SNUPN: variants seen among roughly 807,000 people sequenced by gnomAD.
SNUPN encodes snurportin 1.
SNUPN carries 31 observed loss-of-function variants against 39.2 expected under a neutral mutation model. The observed-to-expected ratio is 0.79, with a 90% CI of 0.59 to 1.07. SNUPN has a LOEUF of 1.07. Ranked by LOEUF, SNUPN falls within the 50% of genes least tolerant of loss-of-function variation. The pLI is 0.00. For synonymous variants in SNUPN, 132 were observed against 159.0 expected, an observed-to-expected ratio of 0.83 and a Z score of 1.28; for missense variants, 382 against 434.2, an observed-to-expected ratio of 0.88 and a Z score of 1.07.
intron 2 of SNUPN, among the ~76,000 whole-genome samples, chr15:75,619,817 C>T (rs1050629765): frequency 2.0e-5 from 3 of 152,000 alleles, no homozygotes; most frequent in Non-Finnish European, 2.9e-5. Flanking sequence ...GGCGCGATTT[C>T]GGCTCACTGC....
intron 8 of SNUPN, 129 bp from the exon 9 acceptor site, chr15:75,598,810 C>T (rs1365240002): frequency 1.6e-6 from 1 of 627,716 alleles, no homozygotes; most frequent in Non-Finnish European, 2.7e-6. Context: ...AGGAAAGAGT[C>T]CCAGCTTCTC....
Position 75,619,157 on chromosome 15 carries a change from T to C in SNUPN, c.159-1605A>G, listed in dbSNP as rs112288960. ...GACCAGCTTGGGCAACATGGTGAAA[T>C]TGTGTTTCTACCAAAAATAAAAAAA... On this transcript the variant is annotated intron_variant, in intron 2 of 8. Transcript: ENST00000308588. 4.4e-3 allele frequency among the ~76,000 whole-genome samples: 655 copies of C among 150,410 alleles called. 1 individual carries two copies. The highest frequency in any genetic ancestry group is 0.026 in the South Asian group (124 of 4,738).
At position 75,605,174 on chromosome 15, in the gene SNUPN, C is replaced by T. The variant is rs1458015042; in HGVS notation, c.654G>A (p.Leu218=). The T allele has an allele frequency of 2.5e-6, 4 of 1,613,504 alleles. No homozygotes were observed. Among genetic ancestry groups the T allele is most frequent in the Non-Finnish European group, 3.4e-6 (4 of 1,179,522 alleles). ...MHSKLPEEEG[L]GEKTKLNPFK... is the part of the protein sequence containing the mutation. ...CAGGATTAAGCTTGGTTTTCTCTCC[C>T]AGTCCTTCTTCTTCTGGTAACTTTG... The change falls in exon 7 of 9, where the codon CTG becomes CTA. Residue 218 remains leucine, a synonymous_variant. Coordinates refer to ENST00000308588, the MANE Select transcript of SNUPN (RefSeq NM_005701.4).
chr15:75,605,305 ATT>A (rs372246427), intron 6 of SNUPN, 78 bp from the exon 7 acceptor site: 31,773 of 527,000 alleles, frequency 0.06, 1 homozygote, highest in Non-Finnish European at 0.066. Context: ...ACCCCATGCT[ATT>A]TTTTTTTTTT....
intron 3 of SNUPN, among the ~76,000 whole-genome samples, 170 bp from the exon 4 acceptor site, chr15:75,610,164 G>A (rs570804630): frequency 6.6e-6 from 1 of 152,138 alleles, no homozygotes; most frequent in African/African-American, 2.4e-5. Flanking sequence ...TTGGGAGGCT[G>A]TGGCAGGTGG....
intron 5 of SNUPN, 144 bp downstream of exon 5, chr15:75,609,414 C>T (rs1341466075): frequency 7.7e-6 from 5 of 647,138 alleles, no homozygotes; most frequent in Non-Finnish European, 1.4e-5. Context: ...TGGTCTCGAT[C>T]TCCTGACCTC....
At chr15:75,599,836 A>ATTT (rs60918008) in intron 8 of SNUPN, among the ~76,000 whole-genome samples, 5 of 140,514 alleles carry the variant, frequency 3.6e-5, no homozygotes, top group Non-Finnish European at 4.6e-5. Flanking sequence ...GACTGGGCAG[A>ATTT]TTTTTTTTTT....
At chr15:75,617,375 T>G (rs1892964174) in intron 3 of SNUPN, 33 bp downstream of exon 3, 1 of 1,605,678 alleles carries the variant, frequency 6.2e-7, no homozygotes, top group Non-Finnish European at 8.5e-7. Context: ...GGGAGTGAGA[T>G]TAGCTGGGTC....
chr15:75,601,066 A>C (rs920428037), intron 8 of SNUPN, 72 bp downstream of exon 8: 1 of 1,084,828 alleles, frequency 9.2e-7, no homozygotes, highest in East Asian at 2.4e-5. Context: ...GGAATATTTT[A>C]AGACTTTGTG....
At chr15:75,603,452 G>A (rs546135694) in intron 7 of SNUPN, among the ~76,000 whole-genome samples, 153 of 148,618 alleles carry the variant, frequency 1.0e-3, no homozygotes, top group African/African-American at 3.5e-3. Flanking sequence ...ACAAGGTCAG[G>A]AGATCGACAC....
At chr15:75,613,308 C>T (rs568258834) in intron 3 of SNUPN, among the ~76,000 whole-genome samples, 10 of 146,240 alleles carry the variant, frequency 6.8e-5, no homozygotes, top group Non-Finnish European at 1.5e-4. Context: ...ATAGACATTT[C>T]TCCAAAGAAG....
chr15:75,601,345 CAGG>C, intron 7 of SNUPN, 127 bp from the exon 8 acceptor site: 1 of 633,170 alleles, frequency 1.6e-6, no homozygotes, highest in South Asian at 1.7e-5. Context: ...GAGGCAAAGT[CAGG>C]AGGATCACCT....
intron 3 of SNUPN, among the ~76,000 whole-genome samples, chr15:75,615,349 CCTT>C (rs1018560142): frequency 2.0e-5 from 3 of 152,108 alleles, no homozygotes; most frequent in South Asian, 2.1e-4. Flanking sequence ...CTGCCATACT[CCTT>C]CTCCCAACTC....
At chr15:75,607,730 G>A (rs1322837641) in intron 5 of SNUPN, among the ~76,000 whole-genome samples, 1 of 152,130 alleles carries the variant, frequency 6.6e-6, no homozygotes, top group Non-Finnish European at 1.5e-5. Context: ...TTACCATTTG[G>A]TTAAGGGGAT....
chr15:75,619,638 A>C (rs961172504), intron 2 of SNUPN, among the ~76,000 whole-genome samples: 5 of 152,042 alleles, frequency 3.3e-5, no homozygotes, highest in African/African-American at 7.2e-5. Flanking sequence ...CCCTGTCTAA[A>C]ATATATATAT....
intron 7 of SNUPN, 89 bp downstream of exon 7, chr15:75,605,061 C>G: frequency 1.2e-6 from 1 of 807,602 alleles, no homozygotes; most frequent in Non-Finnish European, 2.1e-6. Context: ...CAAAAAAGAT[C>G]ATTTCATACA....
chr15:75,609,506 G>T, intron 5 of SNUPN, 52 bp downstream of exon 5: 1 of 1,506,824 alleles, frequency 6.6e-7, no homozygotes, highest in Non-Finnish European at 9.2e-7. Flanking sequence ...GGTCTTTAAA[G>T]CAAATTACAC....
intron 7 of SNUPN, among the ~76,000 whole-genome samples, chr15:75,602,333 C>G (rs2075294395): frequency 6.6e-6 from 1 of 152,078 alleles, no homozygotes; most frequent in Admixed American, 6.6e-5. Flanking sequence ...CGAGACCAGT[C>G]TGACCAATAT....
At chr15:75,625,376 C>T (rs1893199013) in intron 1 of SNUPN, 1 of 151,812 alleles carries the variant, frequency 6.6e-6, no homozygotes, top group African/African-American at 2.4e-5. Flanking sequence ...CTATCTGCTT[C>T]ACTCGGCCGT....
Sources: gnomAD v4.1 joint callset for allele counts (sites outside exome capture counted in the v4.1 genomes callset) on GRCh38, gnomAD v4.1.1 for gene constraint, MANE v1.5 for transcripts, NCBI Gene and HGNC (gene_info 2026-07-23, HGNC 2026-07-21) for gene names.